Variants in PCDH1 observed in about 807,000 individuals in gnomAD.
PCDH1 encodes the protein protocadherin 1, also known as protocadherin-1.
In PCDH1, 23 loss-of-function variants were observed where a neutral mutation model predicts 74.6. That is an observed-to-expected ratio of 0.31 (90% CI 0.22 to 0.44). The LOEUF is 0.44. PCDH1 is among the 20% of genes least tolerant of loss of function. PCDH1 has a pLI of 1.00. For synonymous variants in PCDH1, 647 were observed against 686.1 expected (o/e 0.94, Z 0.89); for missense variants, 1,214 against 1,641.4 (o/e 0.74, Z 4.50).
At chr5:141,867,799 G>A (rs1432505200) in intron 2 of PCDH1, among the ~76,000 whole-genome samples, 1 of 152,174 alleles carries the variant, frequency 6.6e-6, no homozygotes, top group African/African-American at 2.4e-5. Context: ...GGGCTGGCAG[G>A]AGGCCAGAGC....
rs1421378073 is a variant in PCDH1, at chr5:141,869,369, G to GC, written c.102dup (p.Gln35AlafsTer73). The GC allele has an allele frequency of 6.3e-7, 1 of 1,596,508 alleles. No homozygotes were observed. The stretch of plus-strand genomic sequence containing the variant: ...AGCATGGAGGGCAGCAGTAGCCGTT[G>GC]CCCCCCAGGGCCTGGGCTGTGCCTC... On this transcript the variant is annotated frameshift_variant, in exon 2 of 5. Coordinates refer to ENST00000287008, the MANE Select transcript of PCDH1 (RefSeq NM_032420.5). LOFTEE classifies it high-confidence loss of function. The surrounding 1 kb of genome is among the most constrained non-coding windows in gnomAD (Gnocchi z 4.9).
chr5:141,856,314 C>T (rs987634112), intron 4 of PCDH1: 16 of 603,814 alleles, frequency 2.6e-5, no homozygotes, highest in Non-Finnish European at 4.0e-5. Flanking sequence ...CATGGAGGGG[C>T]GGGGTGGGGG....
At chr5:141,860,167 CA>C (rs1752510304) in intron 3 of PCDH1, among the ~76,000 whole-genome samples, 1 of 152,044 alleles carries the variant, frequency 6.6e-6, no homozygotes, top group African/African-American at 2.4e-5. Flanking sequence ...CTGTGCTCGT[CA>C]AAGGAAGGGA....
rs1365281038 is a variant in PCDH1, at chr5:141,863,252, G to T, written c.3079C>A (p.Pro1027Thr). 6.3e-7 allele frequency: 1 copy of T among 1,593,402 alleles called. No individual in the cohort carries two copies. The highest frequency in any genetic ancestry group is 8.5e-7 in the Non-Finnish European group (1 of 1,169,850). The change falls in exon 3 of 5, where the codon CCC (proline) becomes ACC (threonine). Residue 1027 changes from proline (P) to threonine (T), a missense_variant. Around this residue, in one of 4 missense-constraint regions of PCDH1, gnomAD observed 836 missense variants for 1,182.2 expected, o/e 0.71. Transcript: ENST00000287008. This position sits in a 1 kb window ranked among gnomAD's most constrained non-coding sequence, Gnocchi z 7.5. ...YSDYSYRTNP[P>T]KYPSKQLPHR... ...CCTACCTGCTTGCTGGGGTATTTGG[G>T]GGGGTTGGTGCGGTAGCTGTAGTCG...
At position 141,869,408 on chromosome 5, in the gene PCDH1, T is replaced by C. The variant is rs2126828097; in HGVS notation, c.64A>G (p.Arg22Gly). ...GGGCTGTGCCTCAGGTGCTCCATCC[T>C]GGGAGGCCCCAGAATCAGGAGGGCT... ...EAALLILGPP[R>G]MEHLRHSPGP... Residue 22 changes from arginine to glycine, a missense_variant, in exon 2 of 5, where the codon AGG (arginine) becomes GGG (glycine). Physicochemically the swap from Arg to Gly is moderately radical, Grantham distance 125 (BLOSUM62 -2). Transcript: ENST00000287008. The surrounding 1 kb of genome is among the most constrained non-coding windows in gnomAD (Gnocchi z 4.9). The C allele has an allele frequency of 1.3e-6, 2 of 1,598,128 alleles. No homozygotes were observed. Among genetic ancestry groups the C allele is most frequent in the Non-Finnish European group, 1.7e-6 (2 of 1,178,386 alleles).
chr5:141,863,432 G>A lies in PCDH1; in HGVS notation c.2899C>T (p.Arg967Cys), dbSNP rs754376608. The A allele has an allele frequency of 6.4e-6, 10 of 1,562,348 alleles. No homozygotes were observed. The highest frequency in any genetic ancestry group is 7.8e-6 in the Non-Finnish European group (9 of 1,153,514). The change falls in exon 3 of 5, where the codon CGC (arginine) becomes TGC (cysteine). Residue 967 changes from arginine to cysteine, a missense_variant. Arg to Cys is a radical substitution (Grantham distance 180, BLOSUM62 -3). Around this residue, in one of 4 missense-constraint regions of PCDH1, gnomAD observed 836 missense variants for 1,182.2 expected, o/e 0.71. Coordinates refer to ENST00000287008, the MANE Select transcript of PCDH1 (RefSeq NM_032420.5). This position sits in a 1 kb window ranked among gnomAD's most constrained non-coding sequence, Gnocchi z 7.5. ...AGTGGGGAGTTAGAGCGATAGTGGC[G>A]GCCCAGGTCAGGGCTGCCTGGTGGG... ...NYPPGSPDLGRHYRSNSPLPS... is the reference protein window; with the variant it reads ...NYPPGSPDLGCHYRSNSPLPS...
chr5:141,854,584 TC>T, intron 4 of PCDH1, 148 bp from the exon 5 acceptor site: 1 of 749,260 alleles, frequency 1.3e-6, no homozygotes, highest in South Asian at 2.1e-5. Context: ...ACACACACCC[TC>T]AAAGAGACAC....
rs1752225590 is a variant in PCDH1 at position 141,854,093 on chromosome 5, G to GGGTGGGAAGTCC, written c.3651_3662dup (p.Asp1218_Pro1221dup). On this transcript the variant is annotated inframe_insertion, in exon 5 of 5. Transcript: ENST00000287008. ...TCTGGGCAGATGCCGGTGTGGCTGC[G>GGGTGGGAAGTCC]GGTGGGAAGTCCGAGGTCTGGGTCA... 6.4e-7 allele frequency: 1 copy of GGGTGGGAAGTCC among 1,552,062 alleles called. No homozygotes were observed.
At position 141,869,662 on chromosome 5, in the gene PCDH1, G is replaced by A. The variant is rs1227748096; in HGVS notation, c.41-231C>T. ...AGCTGGAGGAGCCAGTAAGAGGCCT[G>A]GCATGCCTAGAGCAGCTCCCGCCCA... On this transcript the variant is annotated intron_variant, in intron 1 of 4. Coordinates refer to ENST00000287008, the MANE Select transcript of PCDH1 (RefSeq NM_032420.5). This position sits in a 1 kb window ranked among gnomAD's most constrained non-coding sequence, Gnocchi z 4.9. The A allele has an allele frequency of 1.0e-5, 16 of 1,531,418 alleles. No individual in the cohort carries two copies. The highest frequency in any genetic ancestry group is 1.2e-5 in the Non-Finnish European group (14 of 1,144,616). 94.9% of individuals were successfully genotyped at this position (1,531,418 alleles called of 1,614,324 possible).
At chr5:141,876,450 C>A (rs1199583156) in intron 1 of PCDH1, among the ~76,000 whole-genome samples, 2 of 152,172 alleles carry the variant, frequency 1.3e-5, no homozygotes, top group Non-Finnish European at 2.9e-5. Flanking sequence ...CCCGGCTAGG[C>A]GGGGACATTC....
intron 3 of PCDH1, among the ~76,000 whole-genome samples, chr5:141,858,930 G>A (rs1752465895): frequency 6.6e-6 from 1 of 152,150 alleles, no homozygotes; most frequent in Admixed American, 6.5e-5. Context: ...GGAAGAGGCT[G>A]TCAGGACAGG....
chr5:141,876,274 G>A (rs1753230566), intron 1 of PCDH1, among the ~76,000 whole-genome samples: 1 of 152,148 alleles, frequency 6.6e-6, no homozygotes, highest in Admixed American at 6.5e-5. Flanking sequence ...GCTAGTGGGG[G>A]GAGCCCTTGC....
At chr5:141,866,992 A>T (rs1267751989) in intron 2 of PCDH1, among the ~76,000 whole-genome samples, 1 of 152,184 alleles carries the variant, frequency 6.6e-6, no homozygotes, top group Admixed American at 6.5e-5. Context: ...CTCCTGGGCA[A>T]TGGTTCCCCA....
chr5:141,868,122 T>C lies in PCDH1; in HGVS notation c.903+447A>G, dbSNP rs1752929764. ...GTCAGGAAGAGGCAAAATGAGGCTA[T>C]ATCCTCCAGCTTCAGGAAAACCTCA... is the stretch of plus-strand genomic sequence containing the variant. On this transcript the variant is annotated intron_variant, in intron 2 of 4. Transcript: ENST00000287008. This position sits in a 1 kb window ranked among gnomAD's most constrained non-coding sequence, Gnocchi z 4.8. Among the ~76,000 whole-genome samples the C allele has an allele frequency of 6.6e-6, 1 of 152,236 alleles. No individual in the cohort carries two copies. Among genetic ancestry groups the C allele is most frequent in the Admixed American group, 6.5e-5 (1 of 15,280 alleles).
At chr5:141,877,524 G>A (rs907540205) in intron 1 of PCDH1, among the ~76,000 whole-genome samples, 4 of 152,188 alleles carry the variant, frequency 2.6e-5, no homozygotes, top group Non-Finnish European at 5.9e-5. Flanking sequence ...ACTCGTACAT[G>A]AGGGCACGAG....
At chr5:141,875,053 C>A (rs955347317) in intron 1 of PCDH1, among the ~76,000 whole-genome samples, 2 of 152,190 alleles carry the variant, frequency 1.3e-5, no homozygotes, top group African/African-American at 4.8e-5. Context: ...AGTGAATTTA[C>A]TTTTCTGAAC....
intron 3 of PCDH1, among the ~76,000 whole-genome samples, chr5:141,859,824 C>T (rs1752497802): frequency 6.6e-6 from 1 of 152,176 alleles, no homozygotes; most frequent in Non-Finnish European, 1.5e-5. Flanking sequence ...TTCCAGTGCT[C>T]TTTCTAAAAC....
Position 141,868,491 on chromosome 5 carries a change from G to A in PCDH1, c.903+78C>T. 6.6e-7 allele frequency: 1 copy of A among 1,505,772 alleles called. No homozygotes were observed. Among genetic ancestry groups the A allele is most frequent in the Non-Finnish European group, 8.9e-7 (1 of 1,129,526 alleles). The allele number at this position is 1,505,772 out of a possible 1,614,324, so 93.3% of individuals were successfully genotyped here. A position where few individuals can be genotyped will look rare whatever the true frequency, so the allele number is the denominator to read the frequency against. On this transcript the variant is annotated intron_variant, in intron 2 of 4. Transcript: ENST00000287008. The surrounding 1 kb of genome is among the most constrained non-coding windows in gnomAD (Gnocchi z 4.8). ...CTGGCAGTTTTTCCCCTAAGTGAAG[G>A]GAACTCTCACCTGGTTGGGTGGGCT...
At chr5:141,876,748 GCTCAGGTGTGAGACGAA>G (rs1186705068) in intron 1 of PCDH1, among the ~76,000 whole-genome samples, 2 of 152,112 alleles carry the variant, frequency 1.3e-5, no homozygotes, top group African/African-American at 4.8e-5. Flanking sequence ...CGGAGGGGGC[GCTCAGGTGTGAGACGAA>G]CCCAGGTGTG....
Sources: allele counts gnomAD v4.1 joint callset (sites outside exome capture counted in the v4.1 genomes callset), GRCh38; gene constraint gnomAD v4.1.1; regional missense constraint gnomAD v4.1.1; non-coding constraint Gnocchi (gnomAD v3.1); transcripts MANE v1.5; gene names NCBI Gene and HGNC (gene_info 2026-07-23, HGNC 2026-07-21).